Variants in FREM2 observed in about 807,000 individuals in gnomAD.
The protein encoded by FREM2 is FRAS1 related extracellular matrix 2.
A neutral mutation model predicts 219.9 loss-of-function variants in FREM2; 119 were observed. The ratio of observed to expected loss-of-function variants is 0.54; its 90% CI spans 0.47 to 0.63. FREM2 has a LOEUF of 0.63. FREM2 is among the 30% of genes least tolerant of loss of function. FREM2 has a pLI of 0.00. For synonymous variants in FREM2, 1,562 were observed against 1,522.8 expected, an observed-to-expected ratio of 1.03 and a Z score of -0.60; for missense variants, 4,030 against 3,993.6, an observed-to-expected ratio of 1.01 and a Z score of -0.25.
Position 38,769,826 on chromosome 13 carries a change from C to T in FREM2, c.5641+18C>T, listed in dbSNP as rs1873585294. On this transcript the variant is annotated intron_variant, in intron 4 of 23. Coordinates refer to ENST00000280481, the MANE Select transcript of FREM2 (RefSeq NM_207361.6). ...AGGAGATGGTAAGAGCCATCGTCAACTGGTTTATGTTGTTGCTGTTGGGCT... is the reference window on the plus strand; with the variant it reads ...AGGAGATGGTAAGAGCCATCGTCAATTGGTTTATGTTGTTGCTGTTGGGCT... 2 of 1,585,478 alleles carry T rather than the reference C, an allele frequency of 1.3e-6. No homozygotes were observed. Among genetic ancestry groups the T allele is most frequent in the African/African-American group, 1.3e-5 (1 of 74,390 alleles).
At chr13:38,810,229 T>G (rs556732650) in intron 6 of FREM2, among the ~76,000 whole-genome samples, 59 of 151,946 alleles carry the variant, frequency 3.9e-4, no homozygotes, top group African/African-American at 1.4e-3. Flanking sequence ...ATTTTTAGGT[T>G]TTTTTTCTGA....
chr13:38,690,805 A>C lies in FREM2; in HGVS notation c.3461A>C (p.Lys1154Thr). The change falls in exon 1 of 24, where the codon AAA (lysine) becomes ACA (threonine). Residue 1154 changes from lysine to threonine, a missense_variant. Around this residue, in one of 2 missense-constraint regions of FREM2, gnomAD observed 3,102 missense variants for 2,950.7 expected, o/e 1.05. Coordinates refer to ENST00000280481, the MANE Select transcript of FREM2 (RefSeq NM_207361.6). ...GHINYVQSVH[K>T]GVEPVEDRFV... Reference sequence around the variant, plus strand: ...ATAAACTATGTCCAGAGTGTCCATAAAGGGGTGGAACCTGTGGAGGACCGA... The same window carrying C: ...ATAAACTATGTCCAGAGTGTCCATACAGGGGTGGAACCTGTGGAGGACCGA... 1 of 1,614,152 alleles carries C rather than the reference A, an allele frequency of 6.2e-7. No individual in the cohort carries two copies. The highest frequency in any genetic ancestry group is 8.5e-7 in the Non-Finnish European group (1 of 1,180,020).
intron 6 of FREM2, among the ~76,000 whole-genome samples, chr13:38,842,531 C>T (rs1037576415): frequency 3.9e-5 from 6 of 152,160 alleles, no homozygotes; most frequent in African/African-American, 1.4e-4. Flanking sequence ...CATTTGGAAA[C>T]AATTCCTTTG....
At chr13:38,796,438 T>C (rs952609927) in intron 6 of FREM2, among the ~76,000 whole-genome samples, 1 of 152,156 alleles carries the variant, frequency 6.6e-6, no homozygotes, top group African/African-American at 2.4e-5. Flanking sequence ...TTCTTTATAT[T>C]CCACCATGAC....
intron 2 of FREM2, among the ~76,000 whole-genome samples, chr13:38,739,859 A>G (rs1453496314): frequency 6.6e-6 from 1 of 152,212 alleles, no homozygotes; most frequent in East Asian, 1.9e-4. Flanking sequence ...GGCATAATTT[A>G]AAGTTGCTTT....
intron 16 of FREM2, among the ~76,000 whole-genome samples, chr13:38,867,982 A>G (rs527599982): frequency 2.0e-5 from 3 of 152,252 alleles, no homozygotes; most frequent in Non-Finnish European, 4.4e-5. Flanking sequence ...TTTACCCACT[A>G]TCTGGGTATC....
rs1593465496 is a variant in FREM2 at position 38,886,651 on chromosome 13, AC to A, written c.*5866del. 1.3e-5 allele frequency: 2 copies of A among 151,940 alleles called. No individual in the cohort carries two copies. The highest frequency in any genetic ancestry group is 3.9e-4 in the East Asian group (2 of 5,178). 9.4% of individuals were successfully genotyped at this position (151,940 alleles called of 1,614,324 possible). On this transcript the variant is annotated 3_prime_UTR_variant, in exon 24 of 24. Coordinates refer to ENST00000280481, the MANE Select transcript of FREM2 (RefSeq NM_207361.6). Reference sequence around the variant, plus strand: ...AACCTCAGATGATCCTCCCGCCTCCACCTCCCAAAGTACTGGAATTACAATG... The same window carrying A: ...AACCTCAGATGATCCTCCCGCCTCCACTCCCAAAGTACTGGAATTACAATG...
intron 2 of FREM2, among the ~76,000 whole-genome samples, chr13:38,709,554 A>G (rs1870679508): frequency 6.6e-6 from 1 of 152,084 alleles, no homozygotes; most frequent in Admixed American, 6.5e-5. Flanking sequence ...TTAGACTATT[A>G]TGTAGATGCA....
chr13:38,697,816 C>T (rs372106078), intron 2 of FREM2, 29 bp downstream of exon 2: 24 of 1,258,648 alleles, frequency 1.9e-5, no homozygotes, highest in East Asian at 9.2e-5. Context: ...TGGTAGTGAC[C>T]GCAAGGAGAG....
chr13:38,871,271 C>T (rs1022548001), intron 16 of FREM2, among the ~76,000 whole-genome samples: 2 of 152,176 alleles, frequency 1.3e-5, no homozygotes, highest in Non-Finnish European at 2.9e-5. Context: ...CTTTTAACTT[C>T]ATAAGAATGT....
intron 2 of FREM2, among the ~76,000 whole-genome samples, chr13:38,754,752 A>C (rs1872913597): frequency 6.6e-6 from 1 of 151,856 alleles, no homozygotes; most frequent in Non-Finnish European, 1.5e-5. Flanking sequence ...CTTGAGTTCC[A>C]GTTGTTTTTG....
chr13:38,838,929 G>A (rs1449217585), intron 6 of FREM2, among the ~76,000 whole-genome samples: 2 of 152,042 alleles, frequency 1.3e-5, no homozygotes, highest in African/African-American at 2.4e-5. Flanking sequence ...GGAGGAGTTT[G>A]TTATTACCCA....
At chr13:38,717,412 CTTTTTTTTT>C (rs386378868) in intron 2 of FREM2, among the ~76,000 whole-genome samples, 1 of 90,146 alleles carries the variant, frequency 1.1e-5, no homozygotes, top group Non-Finnish European at 2.0e-5. Flanking sequence ...TACATAAGTA[CTTTTTTTTT>C]TTTTTTTTTT....
intron 6 of FREM2, among the ~76,000 whole-genome samples, chr13:38,806,451 C>T (rs1173856094): frequency 6.6e-6 from 1 of 151,940 alleles, no homozygotes; most frequent in Non-Finnish European, 1.5e-5. Context: ...AATAAAGCAA[C>T]TATTGCAATA....
At chr13:38,840,670 A>G (rs1478520736) in intron 6 of FREM2, among the ~76,000 whole-genome samples, 1 of 140,896 alleles carries the variant, frequency 7.1e-6, no homozygotes, top group East Asian at 2.0e-4. Context: ...ATACACACAC[A>G]TATGTATACA....
chr13:38,692,332 G>A lies in FREM2; in HGVS notation c.4988G>A (p.Gly1663Glu). 2 of 1,604,864 alleles carry A rather than the reference G, an allele frequency of 1.2e-6. No homozygotes were observed. The highest frequency in any genetic ancestry group is 1.7e-6 in the Non-Finnish European group (2 of 1,175,262). ...GTCCCCCAAATCGCAGTGAATAAGG[G>A]GGCCTCTACACTTCGCACTCTAGCC... ...NSVPQIAVNKGASTLRTLATG... is the reference protein window; with the variant it reads ...NSVPQIAVNKEASTLRTLATG... Residue 1663 changes from glycine to glutamate, a missense_variant, in exon 1 of 24, where the codon GGG (glycine) becomes GAG (glutamate). This residue lies in a region of FREM2 where 3,102 missense variants were observed against 2,950.7 expected (regional missense o/e 1.05). Transcript: ENST00000280481.
intron 6 of FREM2, among the ~76,000 whole-genome samples, chr13:38,840,633 T>G (rs1037012173): frequency 3.5e-4 from 51 of 145,918 alleles, no homozygotes; most frequent in Non-Finnish European, 6.7e-4. Flanking sequence ...AAAATATATA[T>G]ATATATATAT....
intron 3 of FREM2, among the ~76,000 whole-genome samples, chr13:38,768,692 G>A (rs776553059): frequency 1.3e-5 from 2 of 152,064 alleles, no homozygotes; most frequent in Non-Finnish European, 2.9e-5. Context: ...AGAGGTTCTG[G>A]TTCTGTATTT....
intron 6 of FREM2, among the ~76,000 whole-genome samples, chr13:38,803,988 T>C (rs1875123015): frequency 6.6e-6 from 1 of 152,040 alleles, no homozygotes; most frequent in African/African-American, 2.4e-5. Context: ...CTGTTTTTGT[T>C]TGAATACAAT....
Sources: allele counts gnomAD v4.1 joint callset (sites outside exome capture counted in the v4.1 genomes callset), GRCh38; gene constraint gnomAD v4.1.1; regional missense constraint gnomAD v4.1.1; transcripts MANE v1.5; gene names NCBI Gene and HGNC (gene_info 2026-07-23, HGNC 2026-07-21).